PHACTR1: variants seen among roughly 807,000 people sequenced by gnomAD.
PHACTR1 encodes RPEL repeat containing 1.
PHACTR1 carries 16 observed loss-of-function variants against 69.2 expected under a neutral mutation model. That is an observed-to-expected ratio of 0.23 (90% confidence interval 0.16 to 0.35). PHACTR1 has a LOEUF of 0.35. PHACTR1 is among the 10% of genes least tolerant of loss of function. The pLI, the probability that PHACTR1 is intolerant of heterozygous loss-of-function variation, is 1.00. For synonymous variants in PHACTR1, 312 were observed against 284.5 expected (o/e 1.10, Z -0.97); for missense variants, 510 against 734.7 (o/e 0.69, Z 3.54).
chr6:13,170,589 C>G (rs1760455486), intron 6 of PHACTR1, among the ~76,000 whole-genome samples: 1 of 152,156 alleles, frequency 6.6e-6, no homozygotes, highest in South Asian at 2.1e-4. Context: ...GAAAAATGTT[C>G]CAGATTTCAT....
chr6:12,799,682 G>C (rs1773476792), intron 4 of PHACTR1, among the ~76,000 whole-genome samples: 1 of 152,128 alleles, frequency 6.6e-6, no homozygotes, highest in South Asian at 2.1e-4. Flanking sequence ...TGGTAGTCTG[G>C]CCAAGCTGTA....
Position 13,287,279 on chromosome 6 carries a change from T to C in PHACTR1, c.*201T>C, listed in dbSNP as rs1781873777. 1 of 609,626 alleles carries C rather than the reference T, an allele frequency of 1.6e-6. No homozygotes were observed. Among genetic ancestry groups the C allele is most frequent in the Non-Finnish European group, 2.8e-6 (1 of 355,784 alleles). 37.8% of individuals were successfully genotyped at this position (609,626 alleles called of 1,614,324 possible). A position where few individuals can be genotyped will look rare whatever the true frequency, so the allele number is the denominator to read the frequency against. ...GTGATGGCTCGGCGGTCCGAGCTGC[T>C]GGTCCCACTTCTGACACCAAAATGC... On this transcript the variant is annotated 3_prime_UTR_variant, in exon 15 of 15. Transcript: ENST00000332995.
chr6:13,199,637 G>A (rs1288672228), intron 7 of PHACTR1, among the ~76,000 whole-genome samples: 1 of 152,124 alleles, frequency 6.6e-6, no homozygotes, highest in African/African-American at 2.4e-5. Context: ...TGTAGGAAAA[G>A]CTAATTGTTT....
At chr6:12,810,234 T>G (rs974010471) in intron 4 of PHACTR1, among the ~76,000 whole-genome samples, 4 of 152,264 alleles carry the variant, frequency 2.6e-5, no homozygotes, top group Non-Finnish European at 4.4e-5. Context: ...CTCATTTTTT[T>G]CTCACTGATA....
intron 4 of PHACTR1, among the ~76,000 whole-genome samples, chr6:12,913,840 C>A (rs937530358): frequency 6.6e-6 from 1 of 152,294 alleles, no homozygotes; most frequent in Admixed American, 6.5e-5. Flanking sequence ...ACAGAGGTGA[C>A]CTGTTTACAC....
Position 12,804,620 on chromosome 6 carries a change from G to A in PHACTR1, c.250+54830G>A, listed in dbSNP as rs112767153. Among the ~76,000 whole-genome samples, 126 of 152,288 alleles carry A rather than the reference G, an allele frequency of 8.3e-4. 1 individual carries two copies. Among genetic ancestry groups the A allele is most frequent in the African/African-American group, 2.7e-3 (111 of 41,548 alleles). On this transcript the variant is annotated intron_variant, in intron 4 of 14. Transcript: ENST00000332995. ...GTGGATCCCTTGAGCCCAGGAGTTCGAGATGAGCTTGGGCAACATGGCGAA... is the reference window on the plus strand; with the variant it reads ...GTGGATCCCTTGAGCCCAGGAGTTCAAGATGAGCTTGGGCAACATGGCGAA...
rs952703259 is a variant in PHACTR1, at chr6:13,083,260, T to C, written c.415+29731T>C. 3.9e-5 allele frequency among the ~76,000 whole-genome samples: 6 copies of C among 152,014 alleles called. No individual in the cohort carries two copies. The South Asian group carries it at 6.2e-4, about 16-fold the overall frequency. On this transcript the variant is annotated intron_variant, in intron 5 of 14. Transcript: ENST00000332995. ...GTCAAAGATCAGATAGTTGTAGATA[T>C]GCGGCATTATTTCTGAGGGCTCTGT...
At chr6:12,941,340 G>T (rs557367037) in intron 4 of PHACTR1, among the ~76,000 whole-genome samples, 22 of 152,302 alleles carry the variant, frequency 1.4e-4, no homozygotes, top group Middle Eastern at 3.4e-3. Flanking sequence ...GCCCACTGCA[G>T]TTGTGGCACT....
chr6:12,990,105 G>A (rs1374985631), intron 4 of PHACTR1, among the ~76,000 whole-genome samples: 1 of 152,214 alleles, frequency 6.6e-6, no homozygotes. Flanking sequence ...AGTTTATACA[G>A]GCACCCCACA....
chr6:12,914,952 C>T (rs368571222), intron 4 of PHACTR1, among the ~76,000 whole-genome samples: 39 of 152,258 alleles, frequency 2.6e-4, no homozygotes, highest in African/African-American at 8.7e-4. Flanking sequence ...AACAGTCACT[C>T]GGCAGCAGGA....
intron 4 of PHACTR1, among the ~76,000 whole-genome samples, chr6:12,753,970 A>ATTTT (rs1193950496): frequency 5.9e-5 from 8 of 134,494 alleles, no homozygotes; most frequent in East Asian, 2.2e-4. Flanking sequence ...ATATATATAT[A>ATTTT]TTTTTTTTTT....
intron 4 of PHACTR1, among the ~76,000 whole-genome samples, chr6:12,985,541 A>AAT (rs70989819): frequency 0.024 from 3,197 of 132,692 alleles, 55 homozygotes; most frequent in Non-Finnish European, 0.033. Context: ...AAAAAAAAAA[A>AAT]ATATATATAT....
At chr6:12,932,633 A>G (rs1485948883) in intron 4 of PHACTR1, among the ~76,000 whole-genome samples, 1 of 152,224 alleles carries the variant, frequency 6.6e-6, no homozygotes, top group Non-Finnish European at 1.5e-5. Context: ...ATCATTGTCT[A>G]TTCTTCTCTC....
chr6:13,227,056 A>G (rs778175848), intron 8 of PHACTR1, among the ~76,000 whole-genome samples: 2 of 152,184 alleles, frequency 1.3e-5, no homozygotes, highest in African/African-American at 2.4e-5. Flanking sequence ...TTTAGTTAAC[A>G]AAGATATTTG....
rs181544444 is a variant in PHACTR1, at chr6:12,996,680, A to G, written c.251-56685A>G. On this transcript the variant is annotated intron_variant, in intron 4 of 14. Coordinates refer to ENST00000332995, the MANE Select transcript of PHACTR1 (RefSeq NM_030948.6). Reference sequence around the variant, plus strand: ...TATTTTATATAAACTTTTCAAGACAATAGAAAGAGAAGGAATGTTCAACAA... The same window carrying G: ...TATTTTATATAAACTTTTCAAGACAGTAGAAAGAGAAGGAATGTTCAACAA... Among the ~76,000 whole-genome samples the G allele has an allele frequency of 5.0e-3, 765 of 152,342 alleles. 5 individuals carry two copies. The highest frequency in any genetic ancestry group is 9.7e-3 in the Admixed American group (148 of 15,302).
In PHACTR1 at chr6:13,287,154, C is replaced by A; in HGVS notation, c.*76C>A. ...AGAACCATAAGTGCTGGTATTTATT[C>A]ACTTCCCCATTACGATGTAAATCTT... On this transcript the variant is annotated 3_prime_UTR_variant, in exon 15 of 15. Coordinates refer to ENST00000332995, the MANE Select transcript of PHACTR1 (RefSeq NM_030948.6). The A allele has an allele frequency of 1.5e-6, 2 of 1,342,684 alleles. No homozygotes were observed. The highest frequency in any genetic ancestry group is 2.1e-6 in the Non-Finnish European group (2 of 961,206). 83.2% of individuals were successfully genotyped at this position (1,342,684 alleles called of 1,614,324 possible). A position where few individuals can be genotyped will look rare whatever the true frequency, so the allele number is the denominator to read the frequency against.
intron 10 of PHACTR1, among the ~76,000 whole-genome samples, chr6:13,231,101 A>AAAGAGAG (rs1770957786): frequency 1.4e-5 from 1 of 70,494 alleles, no homozygotes; most frequent in Non-Finnish European, 3.0e-5. Context: ...GAAGGAAGGG[A>AAAGAGAG]AAAGAAAGAA....
chr6:13,205,840 T>C lies in PHACTR1; in HGVS notation c.690T>C (p.Pro230=), dbSNP rs1765823457. 6.3e-7 allele frequency: 1 copy of C among 1,591,068 alleles called. No homozygotes were observed. Among genetic ancestry groups the C allele is most frequent in the African/African-American group, 1.3e-5 (1 of 74,638 alleles). The part of the protein sequence containing the change: ...GPDPGAPVKL[P]CLPVKLSPPL... Reference sequence around the variant, plus strand: ...ATCCTGGCGCCCCTGTGAAATTGCCTTGTCTGCCAGTGAAACTGTCGCCTC... The same window carrying C: ...ATCCTGGCGCCCCTGTGAAATTGCCCTGTCTGCCAGTGAAACTGTCGCCTC... Residue 230 remains proline (P), a synonymous_variant, in exon 8 of 15, where the codon CCT becomes CCC. Coordinates refer to ENST00000332995, the MANE Select transcript of PHACTR1 (RefSeq NM_030948.6).
chr6:12,824,910 G>A (rs1184252878), intron 4 of PHACTR1, among the ~76,000 whole-genome samples: 1 of 152,198 alleles, frequency 6.6e-6, no homozygotes, highest in African/African-American at 2.4e-5. Flanking sequence ...TTGGGCAGGT[G>A]ACTTGTGCTC....
Sources: allele counts gnomAD v4.1 joint callset (sites outside exome capture counted in the v4.1 genomes callset), GRCh38; gene constraint gnomAD v4.1.1; transcripts MANE v1.5; gene names NCBI Gene and HGNC (gene_info 2026-07-23, HGNC 2026-07-21).